CTNND2: variants seen among roughly 807,000 people sequenced by gnomAD.
The protein encoded by CTNND2 is catenin delta-2.
A neutral mutation model predicts 144.4 loss-of-function variants in CTNND2; 22 were observed. That is an observed-to-expected ratio of 0.15 (90% CI 0.11 to 0.22). CTNND2 has a LOEUF of 0.22. Ranked by LOEUF, CTNND2 falls within the 10% of genes least tolerant of loss-of-function variation. CTNND2 has a pLI of 1.00. For missense variants in CTNND2, 1,353 were observed against 1,618.8 expected (o/e 0.84, Z 2.82); for synonymous variants, 751 against 695.6 (o/e 1.08, Z -1.25).
intron 17 of CTNND2, among the ~76,000 whole-genome samples, chr5:11,020,191 C>T (rs551163418): frequency 3.3e-5 from 5 of 151,974 alleles, no homozygotes; most frequent in Non-Finnish European, 5.9e-5. Context: ...ATTGGCAACT[C>T]GCCAATCTGA....
chr5:10,975,120 C>T (rs753446718), intron 21 of CTNND2, among the ~76,000 whole-genome samples: 1 of 152,186 alleles, frequency 6.6e-6, no homozygotes, highest in Non-Finnish European at 1.5e-5. Flanking sequence ...GCAACATCTG[C>T]AATTAAATAC....
chr5:11,418,129 G>A (rs758957859), intron 3 of CTNND2, among the ~76,000 whole-genome samples: 6 of 152,016 alleles, frequency 3.9e-5, no homozygotes, highest in Non-Finnish European at 8.8e-5. Context: ...CTTTTGGGCC[G>A]GGCGTGGTGG....
At chr5:11,693,855 G>A (rs1029629245) in intron 2 of CTNND2, among the ~76,000 whole-genome samples, 1 of 152,158 alleles carries the variant, frequency 6.6e-6, no homozygotes, top group African/African-American at 2.4e-5. Flanking sequence ...AGAAATAAAG[G>A]GTTAAGTTCC....
chr5:11,332,463 T>C lies in CTNND2; in HGVS notation c.1628+13909A>G, dbSNP rs553480461. ...GGCCAGCCTGTAGTTGTCTCCTTCCTTCTATTTATGATGGTAAAATATACA... is the reference window on the plus strand; with the variant it reads ...GGCCAGCCTGTAGTTGTCTCCTTCCCTCTATTTATGATGGTAAAATATACA... On this transcript the variant is annotated intron_variant, in intron 9 of 21. Coordinates refer to ENST00000304623, the MANE Select transcript of CTNND2 (RefSeq NM_001332.4). Among the ~76,000 whole-genome samples the C allele has an allele frequency of 2.6e-5, 4 of 152,210 alleles. No homozygotes were observed. The South Asian group carries it at 8.3e-4, about 32-fold the overall frequency.
At chr5:11,659,779 C>G (rs754803443) in intron 2 of CTNND2, among the ~76,000 whole-genome samples, 153 of 152,106 alleles carry the variant, frequency 1.0e-3, no homozygotes, top group Non-Finnish European at 1.2e-3. Flanking sequence ...TGGTCCAAAG[C>G]CTGAGAACAG....
At chr5:11,675,853 T>A (rs1357825923) in intron 2 of CTNND2, among the ~76,000 whole-genome samples, 1 of 151,734 alleles carries the variant, frequency 6.6e-6, no homozygotes, top group Non-Finnish European at 1.5e-5. Flanking sequence ...TGAAATGATC[T>A]TCAATCTCTG....
intron 2 of CTNND2, among the ~76,000 whole-genome samples, chr5:11,631,460 G>C (rs148974650): frequency 2.6e-4 from 40 of 152,296 alleles, no homozygotes; most frequent in Admixed American, 4.6e-4. Flanking sequence ...ATCTTGGAGG[G>C]AAGAGAGTCT....
intron 2 of CTNND2, among the ~76,000 whole-genome samples, chr5:11,649,901 A>G (rs1259578293): frequency 6.6e-6 from 1 of 152,196 alleles, no homozygotes; most frequent in African/African-American, 2.4e-5. Context: ...TAATTATTAT[A>G]ATCATTTCAC....
At chr5:11,844,862 T>C (rs2126990852) in intron 1 of CTNND2, among the ~76,000 whole-genome samples, 1 of 152,180 alleles carries the variant, frequency 6.6e-6, no homozygotes, top group African/African-American at 2.4e-5. Context: ...GTGTCTGAGT[T>C]GAATTTGGAA....
chr5:11,599,473 G>GA (rs1226606203), intron 2 of CTNND2, among the ~76,000 whole-genome samples: 1 of 151,990 alleles, frequency 6.6e-6, no homozygotes, highest in Non-Finnish European at 1.5e-5. Flanking sequence ...TTGGAGTTTT[G>GA]AAAAAGTAAC....
intron 1 of CTNND2, among the ~76,000 whole-genome samples, chr5:11,900,124 G>A (rs569911495): frequency 1.8e-4 from 28 of 152,282 alleles, no homozygotes; most frequent in Admixed American, 7.8e-4. Flanking sequence ...AATGTGCCAA[G>A]AGAGACAGGT....
intron 6 of CTNND2, among the ~76,000 whole-genome samples, chr5:11,390,904 A>C (rs935519020): frequency 1.3e-5 from 2 of 152,192 alleles, no homozygotes; most frequent in African/African-American, 2.4e-5. Flanking sequence ...TAAGGTCACC[A>C]CAGGGAGCAG....
intron 16 of CTNND2, among the ~76,000 whole-genome samples, chr5:11,031,299 T>C (rs1743451254): frequency 6.6e-6 from 1 of 152,098 alleles, no homozygotes; most frequent in African/African-American, 2.4e-5. Context: ...AGATCCACGA[T>C]ATTTAGAGGA....
intron 9 of CTNND2, among the ~76,000 whole-genome samples, chr5:11,294,051 T>A (rs1299678636): frequency 6.6e-6 from 1 of 151,576 alleles, no homozygotes; most frequent in East Asian, 2.0e-4. Context: ...TAAGCCATGA[T>A]CTGCCCTTTC....
intron 3 of CTNND2, among the ~76,000 whole-genome samples, chr5:11,473,816 G>A (rs776900124): frequency 3.9e-5 from 6 of 152,224 alleles, no homozygotes; most frequent in Non-Finnish European, 8.8e-5. Context: ...AAGAGCTTCT[G>A]TAGGATCCCT....
At chr5:11,361,995 C>T (rs1366034466) in intron 8 of CTNND2, among the ~76,000 whole-genome samples, 2 of 152,262 alleles carry the variant, frequency 1.3e-5, no homozygotes, top group Non-Finnish European at 1.5e-5. Flanking sequence ...ACCAGTTGCT[C>T]GGGTGCCCTC....
intron 7 of CTNND2, among the ~76,000 whole-genome samples, chr5:11,376,065 C>G (rs945089240): frequency 6.6e-6 from 1 of 152,132 alleles, no homozygotes; most frequent in South Asian, 2.1e-4. Context: ...GAGGACACAG[C>G]AAGAAGGGGC....
At chr5:11,323,576 G>A (rs1007629912) in intron 9 of CTNND2, among the ~76,000 whole-genome samples, 2 of 152,208 alleles carry the variant, frequency 1.3e-5, no homozygotes, top group African/African-American at 4.8e-5. Context: ...AGCCATGACA[G>A]GGTACAGGAT....
chr5:11,116,995 G>T (rs1031610592), intron 13 of CTNND2, among the ~76,000 whole-genome samples: 1 of 152,052 alleles, frequency 6.6e-6, no homozygotes, highest in Non-Finnish European at 1.5e-5. Context: ...GGAGGTGGAG[G>T]TTGCAGTGAG....
Sources: gnomAD v4.1 joint callset for allele counts (sites outside exome capture counted in the v4.1 genomes callset) on GRCh38, gnomAD v4.1.1 for gene constraint, MANE v1.5 for transcripts, NCBI Gene and HGNC (gene_info 2026-07-23, HGNC 2026-07-21) for gene names.